CDC42BPA: variants seen among roughly 807,000 people sequenced by gnomAD.
The protein encoded by CDC42BPA is CDC42 binding protein kinase alpha, also known as serine/threonine-protein kinase MRCK alpha.
CDC42BPA carries 80 observed loss-of-function variants against 223.5 expected under a neutral mutation model. The ratio of observed to expected loss-of-function variants is 0.36; its 90% confidence interval spans 0.30 to 0.43. The LOEUF is 0.43. Among genes scored for constraint, CDC42BPA ranks in the 20% least tolerant of loss-of-function variants. The probability of loss-of-function intolerance (pLI) is 1.00; values close to 1 mark genes in which losing one functional copy is unlikely to be tolerated. For synonymous variants in CDC42BPA, 694 were observed against 718.6 expected (o/e 0.97, Z 0.55); for missense variants, 1,743 against 2,099.9 (o/e 0.83, Z 3.32).
intron 2 of CDC42BPA, among the ~76,000 whole-genome samples, chr1:227,220,987 CT>C: frequency 6.6e-6 from 1 of 152,178 alleles, no homozygotes; most frequent in East Asian, 1.9e-4. Flanking sequence ...TACATGCTTG[CT>C]TTTTCCACTT....
Position 227,317,351 on chromosome 1 carries a change from C to G in CDC42BPA, c.-169G>C, listed in dbSNP as rs1421605355. Reference sequence around the variant, plus strand: ...AACATCCAACACACCAGTAACCTCACTTAACTGAAGCGTCTTCAATTTCAC... The same window carrying G: ...AACATCCAACACACCAGTAACCTCAGTTAACTGAAGCGTCTTCAATTTCAC... On this transcript the variant is annotated 5_prime_UTR_variant, in exon 1 of 37. Transcript: ENST00000366766. The G allele has an allele frequency of 3.0e-5, 18 of 608,266 alleles. No homozygotes were observed. Among genetic ancestry groups the G allele is most frequent in the Middle Eastern group, 3.1e-4 (1 of 3,276 alleles). The allele number at this position is 608,266 out of a possible 1,614,324, so 37.7% of individuals were successfully genotyped here. A position where few individuals can be genotyped will look rare whatever the true frequency, so the allele number is the denominator to read the frequency against.
At chr1:227,004,813 A>G in intron 35 of CDC42BPA, 181 bp downstream of exon 35, 2 of 721,326 alleles carry the variant, frequency 2.8e-6, no homozygotes, top group Non-Finnish European at 5.2e-6. Context: ...CTCTGGGACT[A>G]TTTTCTTAAC....
At chr1:227,107,872 G>A (rs1686210871) in intron 14 of CDC42BPA, among the ~76,000 whole-genome samples, 1 of 151,970 alleles carries the variant, frequency 6.6e-6, no homozygotes, top group African/African-American at 2.4e-5. Flanking sequence ...CTACTCTGTG[G>A]GCATACAGTT....
chr1:227,288,031 T>A (rs1192910598), intron 1 of CDC42BPA, among the ~76,000 whole-genome samples: 1 of 152,194 alleles, frequency 6.6e-6, no homozygotes, highest in East Asian at 1.9e-4. Flanking sequence ...TTTCCCTTTG[T>A]TGATTTTGCT....
intron 2 of CDC42BPA, among the ~76,000 whole-genome samples, chr1:227,250,751 CTG>C (rs1262014881): frequency 6.6e-6 from 1 of 151,566 alleles, no homozygotes; most frequent in Non-Finnish European, 1.5e-5. Flanking sequence ...CAGACTTACA[CTG>C]AAGAAATACT....
intron 1 of CDC42BPA, among the ~76,000 whole-genome samples, chr1:227,291,183 CTCCT>C (rs532778778): frequency 1.3e-3 from 199 of 152,204 alleles, no homozygotes; most frequent in African/African-American, 4.5e-3. Flanking sequence ...GCCTTCCTCC[CTCCT>C]CCCCACCTGA....
In CDC42BPA at chr1:227,277,079, A is replaced by G. The variant is rs1204610700; in HGVS notation, c.179-22924T>C. Among the ~76,000 whole-genome samples the G allele has an allele frequency of 7.6e-4, 50 of 65,476 alleles. No homozygotes were observed. The South Asian group carries it at 0.02, about 26-fold the overall frequency. The allele number at this position is 65,476 out of a possible 152,430, so 43.0% of individuals were successfully genotyped here. On this transcript the variant is annotated intron_variant, in intron 1 of 36. Transcript: ENST00000366766. ...CACCCAAGAATGATCAATAAATACTAAAAAAAAAAAAAAAAAGAAAAAGAA... is the reference window on the plus strand; with the variant it reads ...CACCCAAGAATGATCAATAAATACTGAAAAAAAAAAAAAAAAGAAAAAGAA...
rs113945361 is a variant in CDC42BPA, at chr1:227,088,969, G to C, written c.2355+2917C>G. On this transcript the variant is annotated intron_variant, in intron 16 of 36. Coordinates refer to ENST00000366766, the MANE Select transcript of CDC42BPA (RefSeq NM_001394014.1). The stretch of plus-strand genomic sequence containing the variant: ...TCAAACTCCTGACGTCAAGCGATCT[G>C]CCCGCCTCGGACTCCCAAAGTGCTG... Among the ~76,000 whole-genome samples, 1,398 of 152,214 alleles carry C rather than the reference G, an allele frequency of 9.2e-3. 24 individuals carry two copies. The highest frequency in any genetic ancestry group is 0.032 in the African/African-American group (1,335 of 41,532).
chr1:227,233,000 G>C (rs988421142), intron 2 of CDC42BPA, among the ~76,000 whole-genome samples: 2 of 152,176 alleles, frequency 1.3e-5, no homozygotes, highest in African/African-American at 4.8e-5. Context: ...CTTGCAGTTC[G>C]ATCTCAGACT....
At chr1:227,254,629 T>G (rs923044294) in intron 1 of CDC42BPA, among the ~76,000 whole-genome samples, 34 of 152,340 alleles carry the variant, frequency 2.2e-4, no homozygotes, top group Admixed American at 1.7e-3. Flanking sequence ...CAAAGCATGG[T>G]GGCAATGACT....
intron 5 of CDC42BPA, among the ~76,000 whole-genome samples, chr1:227,179,278 G>A (rs1279627383): frequency 6.6e-6 from 1 of 152,072 alleles, no homozygotes; most frequent in Admixed American, 6.6e-5. Context: ...AAATATCTGT[G>A]AATATACCAA....
chr1:227,130,371 C>T (rs1426429908), intron 10 of CDC42BPA, among the ~76,000 whole-genome samples: 6 of 152,082 alleles, frequency 3.9e-5, no homozygotes, highest in Admixed American at 3.9e-4. Context: ...ATAAGATATA[C>T]TAGATTGTGC....
At chr1:227,272,897 T>C (rs1234679018) in intron 1 of CDC42BPA, among the ~76,000 whole-genome samples, 1 of 152,204 alleles carries the variant, frequency 6.6e-6, no homozygotes, top group Non-Finnish European at 1.5e-5. Context: ...ATTAAATAAG[T>C]TACTTAACCT....
At chr1:227,055,176 TA>T (rs946203549) in intron 21 of CDC42BPA, among the ~76,000 whole-genome samples, 1 of 150,862 alleles carries the variant, frequency 6.6e-6, no homozygotes, top group Non-Finnish European at 1.5e-5. Context: ...ATTTCAAATA[TA>T]AAAAAAAATG....
In CDC42BPA at chr1:227,213,131, C is replaced by T. The variant is rs1337577654; in HGVS notation, c.354+5G>A. The T allele has an allele frequency of 6.4e-6, 9 of 1,409,936 alleles. No individual in the cohort carries two copies. The highest frequency in any genetic ancestry group is 8.9e-6 in the Non-Finnish European group (9 of 1,008,748). 87.3% of individuals were successfully genotyped at this position (1,409,936 alleles called of 1,614,324 possible). On this transcript the variant is annotated splice_donor_5th_base_variant and intron_variant, in intron 3 of 36. Coordinates refer to ENST00000366766, the MANE Select transcript of CDC42BPA (RefSeq NM_001394014.1). ...TTTATATATTCCAATACATAAGACTCTTACCTCAGCTCTTTTCAGCATTTC... is the reference window on the plus strand; with the variant it reads ...TTTATATATTCCAATACATAAGACTTTTACCTCAGCTCTTTTCAGCATTTC...
At chr1:227,196,751 T>A (rs914139128) in intron 4 of CDC42BPA, among the ~76,000 whole-genome samples, 1 of 152,232 alleles carries the variant, frequency 6.6e-6, no homozygotes, top group Non-Finnish European at 1.5e-5. Flanking sequence ...AATTTAAAAT[T>A]CAAGTATCTT....
intron 32 of CDC42BPA, among the ~76,000 whole-genome samples, chr1:227,021,921 G>A (rs959075672): frequency 3.5e-4 from 53 of 152,002 alleles, no homozygotes; most frequent in Non-Finnish European, 1.6e-4. Context: ...TCAGGAGGCT[G>A]AGGCAGGAGA....
At chr1:227,096,117 A>G (rs1201243028) in intron 15 of CDC42BPA, among the ~76,000 whole-genome samples, 1 of 152,198 alleles carries the variant, frequency 6.6e-6, no homozygotes, top group Non-Finnish European at 1.5e-5. Context: ...ATAAATTATA[A>G]TTTAAATGAC....
chr1:227,172,111 T>G (rs1040759934), intron 5 of CDC42BPA, among the ~76,000 whole-genome samples: 3 of 152,190 alleles, frequency 2.0e-5, no homozygotes, highest in Non-Finnish European at 2.9e-5. Context: ...GTCTCTTAAT[T>G]TTGTCAAAGA....
Sources: gnomAD v4.1 joint callset for allele counts (sites outside exome capture counted in the v4.1 genomes callset) on GRCh38, gnomAD v4.1.1 for gene constraint, MANE v1.5 for transcripts, NCBI Gene and HGNC (gene_info 2026-07-23, HGNC 2026-07-21) for gene names.